The following TBC1D10A variants were observed in gnomAD, a reference collection of about 807,000 sequenced individuals.
The protein encoded by TBC1D10A is EBP50-PDX interactor of 64 kDa.
TBC1D10A carries 24 observed loss-of-function variants against 52.9 expected under a neutral mutation model. That is an observed-to-expected ratio of 0.45 (90% CI 0.33 to 0.64). The LOEUF is 0.64. TBC1D10A is among the 30% of genes least tolerant of loss of function. The pLI, the probability that TBC1D10A is intolerant of heterozygous loss-of-function variation, is 0.02. For missense variants in TBC1D10A, 602 were observed against 687.9 expected, an observed-to-expected ratio of 0.88 and a Z score of 1.40; for synonymous variants, 278 against 282.9, an observed-to-expected ratio of 0.98 and a Z score of 0.17.
At chr22:30,310,033 G>C (rs1219366730) in intron 1 of TBC1D10A, among the ~76,000 whole-genome samples, 1 of 152,210 alleles carries the variant, frequency 6.6e-6, no homozygotes, top group East Asian at 1.9e-4. Flanking sequence ...GAAAGTCTGA[G>C]GTCACAGACC....
intron 2 of TBC1D10A, among the ~76,000 whole-genome samples, chr22:30,303,646 T>C (rs1466520506): frequency 6.6e-6 from 1 of 152,252 alleles, no homozygotes; most frequent in East Asian, 1.9e-4. Context: ...GGCAGCCAGC[T>C]GTGCCAGCCT....
intron 8 of TBC1D10A, chr22:30,293,100 CCTGA>C (rs913284116): frequency 1.2e-4 from 75 of 620,206 alleles, no homozygotes; most frequent in African/African-American, 9.6e-4. Flanking sequence ...AGTCCACCTG[CCTGA>C]CTATGGGGCT....
intron 6 of TBC1D10A, 32 bp downstream of exon 6, chr22:30,294,764 C>T (rs1280867890): frequency 6.2e-7 from 1 of 1,613,898 alleles, no homozygotes; most frequent in Non-Finnish European, 8.5e-7. Context: ...GGTGTCCAGC[C>T]CAGGGCAAGT....
Position 30,292,607 on chromosome 22 carries a change from T to C in TBC1D10A, c.1295A>G (p.Gln432Arg). 1 of 1,613,554 alleles carries C rather than the reference T, an allele frequency of 6.2e-7. No homozygotes were observed. The change falls in exon 9 of 9, where the codon CAG becomes CGG. Residue 432 changes from glutamine (Q) to arginine (R), a missense_variant. This residue lies in a region of TBC1D10A where 265 missense variants were observed against 275.1 expected (regional missense o/e 0.96). Coordinates refer to ENST00000215790, the MANE Select transcript of TBC1D10A (RefSeq NM_031937.3). Reference protein sequence around the residue: ...KAKPKPPKQAQKEQRKQMKGR... With the variant: ...KAKPKPPKQARKEQRKQMKGR... Reference sequence around the variant, plus strand: ...CTTCATCTGTTTCCGCTGCTCCTTCTGGGCCTGCTTGGGTGGCTTGGGCTT... The same window carrying C: ...CTTCATCTGTTTCCGCTGCTCCTTCCGGGCCTGCTTGGGTGGCTTGGGCTT...
chr22:30,315,137 C>A (rs573811417), intron 1 of TBC1D10A, among the ~76,000 whole-genome samples: 17 of 152,330 alleles, frequency 1.1e-4, no homozygotes, highest in African/African-American at 3.8e-4. Context: ...AAGCTCCAGA[C>A]CACAAGCTGA....
chr22:30,304,763 AC>A (rs1930277327), intron 1 of TBC1D10A, 133 bp from the exon 2 acceptor site: 2 of 1,429,396 alleles, frequency 1.4e-6, no homozygotes, highest in South Asian at 3.0e-5. Context: ...CAGGACTGCT[AC>A]CTCGGACCAT....
intron 1 of TBC1D10A, among the ~76,000 whole-genome samples, chr22:30,306,605 ATCT>A (rs1930314842): frequency 6.6e-6 from 1 of 152,246 alleles, no homozygotes; most frequent in African/African-American, 2.4e-5. Flanking sequence ...ATTTGGCAAG[ATCT>A]TCTCAGAAAC....
chr22:30,322,486 T>C, intron 1 of TBC1D10A, among the ~76,000 whole-genome samples: 1 of 149,592 alleles, frequency 6.7e-6, no homozygotes, highest in African/African-American at 2.5e-5. Flanking sequence ...ACAGACAAGG[T>C]GAAGAAATGG....
intron 1 of TBC1D10A, among the ~76,000 whole-genome samples, chr22:30,312,341 G>A (rs1930442664): frequency 6.6e-6 from 1 of 152,122 alleles, no homozygotes; most frequent in Non-Finnish European, 1.5e-5. Flanking sequence ...GCTCCCTACT[G>A]CCCTCATTAT....
At chr22:30,309,790 G>C (rs1930389118) in intron 1 of TBC1D10A, among the ~76,000 whole-genome samples, 1 of 152,232 alleles carries the variant, frequency 6.6e-6, no homozygotes, top group African/African-American at 2.4e-5. Context: ...AGGCTACTGA[G>C]ACCAAGGGCT....
At chr22:30,294,331 G>C (rs1042402442) in intron 6 of TBC1D10A, among the ~76,000 whole-genome samples, 1 of 152,192 alleles carries the variant, frequency 6.6e-6, no homozygotes, top group East Asian at 1.9e-4. Context: ...AGCAAAAGAG[G>C]CTAGGGGAGG....
intron 1 of TBC1D10A, among the ~76,000 whole-genome samples, chr22:30,306,137 C>T (rs1930306008): frequency 6.6e-6 from 1 of 152,206 alleles, no homozygotes; most frequent in Middle Eastern, 3.2e-3. Context: ...GCTTATGCAA[C>T]AAGTCAGAGG....
rs1189441176 is a variant in TBC1D10A at position 30,293,947 on chromosome 22, C to T, written c.869G>A (p.Arg290His). Residue 290 changes from arginine to histidine, a missense_variant, in exon 7 of 9, where the codon CGT becomes CAT. Coordinates refer to ENST00000215790, the MANE Select transcript of TBC1D10A (RefSeq NM_031937.3). Reference sequence around the variant, plus strand: ...TTCACAGAAGAACATGTCCCAGACACGCAGCACAGAGCTCCAGGGCAAGGT... The same window carrying T: ...TTCACAGAAGAACATGTCCCAGACATGCAGCACAGAGCTCCAGGGCAAGGT... ...SRTLPWSSVLRVWDMFFCEGV... is the reference protein window; with the variant it reads ...SRTLPWSSVLHVWDMFFCEGV... 5.0e-6 allele frequency: 8 copies of T among 1,613,882 alleles called. No individual in the cohort carries two copies. Among genetic ancestry groups the T allele is most frequent in the South Asian group, 3.3e-5 (3 of 91,094 alleles).
chr22:30,293,896 G>A (rs780450723), intron 7 of TBC1D10A, 25 bp downstream of exon 7: 2 of 1,606,596 alleles, frequency 1.2e-6, no homozygotes, highest in Admixed American at 3.3e-5. Context: ...GGACAGGGGT[G>A]CTCCCCCCAA....
At chr22:30,325,115 C>T (rs976577047) in intron 1 of TBC1D10A, among the ~76,000 whole-genome samples, 11 of 152,310 alleles carry the variant, frequency 7.2e-5, no homozygotes, top group Non-Finnish European at 1.3e-4. Context: ...CAAGTGAATC[C>T]CTGGGGAACT....
intron 1 of TBC1D10A, among the ~76,000 whole-genome samples, chr22:30,315,040 A>AG (rs1381542780): frequency 6.6e-6 from 1 of 152,146 alleles, no homozygotes; most frequent in Non-Finnish European, 1.5e-5. Context: ...AGGAAAGGGA[A>AG]GGTCAGGCCC....
Position 30,326,873 on chromosome 22 carries a change from C to A in TBC1D10A, c.9G>T (p.Lys3Asn). The A allele has an allele frequency of 6.7e-7, 1 of 1,500,432 alleles. No individual in the cohort carries two copies. The highest frequency in any genetic ancestry group is 8.8e-7 in the Non-Finnish European group (1 of 1,134,296). 92.9% of individuals were successfully genotyped at this position (1,500,432 alleles called of 1,614,324 possible). ...CGCGCGGCCCATTCTCTCCGTTGCT[C>A]TTCGCCATCCCAGCCGCGCCCGCCG... MA[K>N]SNGENGPRAP... Residue 3 changes from lysine (K) to asparagine (N), a missense_variant, in exon 1 of 9, where the codon AAG (lysine) becomes AAT (asparagine). Physicochemically the swap from Lys to Asn is moderately conservative, Grantham distance 94 (BLOSUM62 0). This residue lies in a region of TBC1D10A where 201 missense variants were observed against 204.4 expected (regional missense o/e 0.98). Coordinates refer to ENST00000215790, the MANE Select transcript of TBC1D10A (RefSeq NM_031937.3).
intron 1 of TBC1D10A, among the ~76,000 whole-genome samples, chr22:30,305,369 G>GAATGTGGGGAA (rs1355516022): frequency 6.6e-6 from 1 of 152,240 alleles, no homozygotes; most frequent in Non-Finnish European, 1.5e-5. Context: ...GGTGGGCACT[G>GAATGTGGGGAA]AATGTGGGGA....
At chr22:30,318,232 G>A (rs116630817) in intron 1 of TBC1D10A, among the ~76,000 whole-genome samples, 1 of 152,268 alleles carries the variant, frequency 6.6e-6, no homozygotes, top group African/African-American at 2.4e-5. Flanking sequence ...CCCTTGATCA[G>A]TGTATGCTGT....
Sources: allele counts gnomAD v4.1 joint callset (sites outside exome capture counted in the v4.1 genomes callset), GRCh38; gene constraint gnomAD v4.1.1; regional missense constraint gnomAD v4.1.1; transcripts MANE v1.5; gene names NCBI Gene and HGNC (gene_info 2026-07-23, HGNC 2026-07-21).